Variants in IQCM observed in about 807,000 individuals in gnomAD.
IQCM encodes IQ motif containing M.
Under a neutral mutation model 57.6 loss-of-function variants are expected in IQCM, and 45 were observed. The observed-to-expected ratio is 0.78, with a 90% CI of 0.62 to 1.00. The LOEUF (loss-of-function observed/expected upper bound fraction) is 1.00. Ranked by LOEUF, IQCM falls within the 50% of genes least tolerant of loss-of-function variation. IQCM has a pLI of 0.00. For missense variants in IQCM, 468 were observed against 511.6 expected, an observed-to-expected ratio of 0.91 and a Z score of 0.82; for synonymous variants, 148 against 158.9, an observed-to-expected ratio of 0.93 and a Z score of 0.51.
intron 5 of IQCM, among the ~76,000 whole-genome samples, chr4:149,722,652 C>G (rs1765549384): frequency 6.6e-6 from 1 of 151,900 alleles, no homozygotes; most frequent in South Asian, 2.1e-4. Flanking sequence ...ACTTGTGTGT[C>G]TACTTTTACA....
At chr4:149,478,266 T>C (rs1288959701) in intron 12 of IQCM, among the ~76,000 whole-genome samples, 6 of 152,234 alleles carry the variant, frequency 3.9e-5, no homozygotes, top group Admixed American at 3.3e-4. Flanking sequence ...GGGCATCAAG[T>C]CTAGTGACCA....
chr4:149,478,841 C>T (rs1358729477), intron 12 of IQCM, among the ~76,000 whole-genome samples: 2 of 152,082 alleles, frequency 1.3e-5, no homozygotes, highest in Non-Finnish European at 2.9e-5. Context: ...TGGATATTAA[C>T]ATTAATGTGA....
At chr4:149,718,930 C>A (rs1765216901) in intron 5 of IQCM, among the ~76,000 whole-genome samples, 1 of 152,172 alleles carries the variant, frequency 6.6e-6, no homozygotes, top group Admixed American at 6.5e-5. Flanking sequence ...CAGCAAAGAC[C>A]TTTTTCCCAA....
chr4:149,778,604 G>A (rs1580275672), intron 2 of IQCM, among the ~76,000 whole-genome samples: 1 of 151,986 alleles, frequency 6.6e-6, no homozygotes, highest in East Asian at 1.9e-4. Context: ...GAAATCCCTA[G>A]TAAGACTGAC....
At chr4:149,377,988 TTAATC>T (rs1237858672) in intron 13 of IQCM, among the ~76,000 whole-genome samples, 4 of 152,096 alleles carry the variant, frequency 2.6e-5, no homozygotes, top group Non-Finnish European at 5.9e-5. Context: ...GGGAGATATT[TTAATC>T]ATAGGGACGG....
chr4:149,768,517 T>C (rs770315897), intron 2 of IQCM, among the ~76,000 whole-genome samples: 55 of 152,256 alleles, frequency 3.6e-4, no homozygotes, highest in African/African-American at 1.3e-3. Flanking sequence ...TTTGGACAAG[T>C]GCATTTTAAA....
Position 149,541,450 on chromosome 4 carries a change from T to C in IQCM, c.1228+7005A>G, listed in dbSNP as rs182841074. ...CAGAAAATGAACTAAAAGTTCTATT[T>C]ACATGTTGGAAAAATAGGGGAAAAC... is the stretch of plus-strand genomic sequence containing the variant. On this transcript the variant is annotated intron_variant, in intron 12 of 13. Transcript: ENST00000636793. Among the ~76,000 whole-genome samples the C allele has an allele frequency of 6.0e-4, 92 of 152,266 alleles. 2 individuals are homozygous for C. The East Asian group carries it at 0.014, about 23-fold the overall frequency.
At chr4:149,470,070 G>A (rs1168237962) in intron 12 of IQCM, among the ~76,000 whole-genome samples, 5 of 152,040 alleles carry the variant, frequency 3.3e-5, no homozygotes, top group African/African-American at 7.2e-5. Flanking sequence ...ATCAACTAAC[G>A]AGCAAAATAA....
At chr4:149,742,545 G>A (rs1767554182) in intron 3 of IQCM, 110 bp downstream of exon 3, 3 of 536,402 alleles carry the variant, frequency 5.6e-6, no homozygotes, top group Admixed American at 4.4e-5. Flanking sequence ...ATCCTTTCAA[G>A]ATGTGCCAAT....
intron 13 of IQCM, among the ~76,000 whole-genome samples, chr4:149,356,592 T>C (rs1324669910): frequency 6.6e-6 from 1 of 152,140 alleles, no homozygotes; most frequent in African/African-American, 2.4e-5. Flanking sequence ...CTGTTCTGTT[T>C]CATTGGTCTA....
chr4:149,600,516 A>G (rs1376292891), intron 8 of IQCM, among the ~76,000 whole-genome samples: 1 of 152,200 alleles, frequency 6.6e-6, no homozygotes, highest in Non-Finnish European at 1.5e-5. Flanking sequence ...TTAGATTTTT[A>G]ATTACTTAGC....
At chr4:149,443,581 G>A (rs948901700) in intron 12 of IQCM, among the ~76,000 whole-genome samples, 3 of 151,160 alleles carry the variant, frequency 2.0e-5, no homozygotes, top group South Asian at 2.1e-4. Context: ...GGAATAAAAC[G>A]AAATGAAATA....
At chr4:149,800,621 C>T (rs1023212876) in intron 2 of IQCM, among the ~76,000 whole-genome samples, 2 of 151,810 alleles carry the variant, frequency 1.3e-5, no homozygotes, top group African/African-American at 4.8e-5. Flanking sequence ...AAAAACTATT[C>T]GAACTGAAAA....
intron 2 of IQCM, among the ~76,000 whole-genome samples, chr4:149,768,095 G>T (rs1770228604): frequency 6.6e-6 from 1 of 152,052 alleles, no homozygotes; most frequent in South Asian, 2.1e-4. Context: ...TATCACCAAA[G>T]TTCCTAAAAT....
At chr4:149,584,310 A>G (rs1752467425) in intron 9 of IQCM, among the ~76,000 whole-genome samples, 1 of 151,580 alleles carries the variant, frequency 6.6e-6, no homozygotes, top group Admixed American at 6.6e-5. Flanking sequence ...CAATTTGAAA[A>G]TGTGTCATTT....
At chr4:149,413,505 G>T (rs1733534852) in intron 13 of IQCM, among the ~76,000 whole-genome samples, 1 of 152,068 alleles carries the variant, frequency 6.6e-6, no homozygotes, top group African/African-American at 2.4e-5. Context: ...ACACTAGGAA[G>T]AATAATAAAA....
At chr4:149,372,884 A>T (rs900672294) in intron 13 of IQCM, among the ~76,000 whole-genome samples, 1 of 152,146 alleles carries the variant, frequency 6.6e-6, no homozygotes, top group Non-Finnish European at 1.5e-5. Context: ...GATTTTACAT[A>T]TAATATCCAC....
At chr4:149,414,909 AC>A (rs1733637100) in intron 13 of IQCM, among the ~76,000 whole-genome samples, 1 of 152,036 alleles carries the variant, frequency 6.6e-6, no homozygotes, top group East Asian at 1.9e-4. Context: ...AAGGTAAAAA[AC>A]CCTCTCTGGC....
At chr4:149,569,397 A>G (rs1204638403) in intron 9 of IQCM, among the ~76,000 whole-genome samples, 2 of 152,106 alleles carry the variant, frequency 1.3e-5, no homozygotes, top group Non-Finnish European at 2.9e-5. Flanking sequence ...CCTTGTTGTC[A>G]ATATGTTCTT....
Sources: allele counts gnomAD v4.1 joint callset (sites outside exome capture counted in the v4.1 genomes callset), GRCh38; gene constraint gnomAD v4.1.1; transcripts MANE v1.5; gene names NCBI Gene and HGNC (gene_info 2026-07-23, HGNC 2026-07-21).